The following PRIMPOL variants were observed in gnomAD, a reference collection of about 807,000 sequenced individuals.
The protein encoded by PRIMPOL is primase and DNA directed polymerase.
In PRIMPOL, 54 loss-of-function variants were observed where a neutral mutation model predicts 63.6. That is an observed-to-expected ratio of 0.85 (90% CI 0.68 to 1.07). The LOEUF (loss-of-function observed/expected upper bound fraction) is 1.07. Ranked by LOEUF, PRIMPOL falls within the 50% of genes least tolerant of loss-of-function variation. PRIMPOL has a pLI of 0.00. For synonymous variants in PRIMPOL, 197 were observed against 220.2 expected (o/e 0.89, Z 0.93); for missense variants, 610 against 648.3 (o/e 0.94, Z 0.64).
At chr4:184,663,907 G>A (rs189802378) in intron 5 of PRIMPOL, among the ~76,000 whole-genome samples, 1 of 152,272 alleles carries the variant, frequency 6.6e-6, no homozygotes, top group East Asian at 1.9e-4. Flanking sequence ...GCATAATTAG[G>A]TTAGCTCTTA....
At chr4:184,656,975 G>C (rs1225808396) in intron 2 of PRIMPOL, 107 bp from the exon 3 acceptor site, 1 of 516,558 alleles carries the variant, frequency 1.9e-6, no homozygotes, top group Non-Finnish European at 3.2e-6. Context: ...TTCATGCAAA[G>C]AATAAACAAG....
chr4:184,687,896 A>G (rs2150157645), intron 11 of PRIMPOL, among the ~76,000 whole-genome samples: 1 of 152,342 alleles, frequency 6.6e-6, no homozygotes, highest in African/African-American at 2.4e-5. Context: ...GATTACAGGC[A>G]TGAGCCACCG....
At chr4:184,666,454 C>A (rs1190329081) in intron 6 of PRIMPOL, among the ~76,000 whole-genome samples, 1 of 152,114 alleles carries the variant, frequency 6.6e-6, no homozygotes, top group Non-Finnish European at 1.5e-5. Flanking sequence ...CAGAGTGAGA[C>A]CCTGTCTCAA....
intron 3 of PRIMPOL, among the ~76,000 whole-genome samples, chr4:184,658,423 G>A (rs1747221444): frequency 6.6e-6 from 1 of 152,122 alleles, no homozygotes; most frequent in South Asian, 2.1e-4. Flanking sequence ...TTTCAAAAAG[G>A]TTTTTGTTAG....
At chr4:184,680,097 T>C (rs1755207493) in intron 8 of PRIMPOL, among the ~76,000 whole-genome samples, 1 of 152,222 alleles carries the variant, frequency 6.6e-6, no homozygotes, top group Non-Finnish European at 1.5e-5. Flanking sequence ...TTCCCTGTTT[T>C]TCTAGGCTGG....
chr4:184,679,118 A>C (rs1011115618), intron 8 of PRIMPOL, among the ~76,000 whole-genome samples: 3 of 152,214 alleles, frequency 2.0e-5, no homozygotes, highest in African/African-American at 7.2e-5. Context: ...ATTATTATTT[A>C]AATGATTGTC....
At chr4:184,689,446 C>CTTT (rs70962517) in intron 11 of PRIMPOL, among the ~76,000 whole-genome samples, 45 of 50,248 alleles carry the variant, frequency 9.0e-4, no homozygotes, top group African/African-American at 3.3e-3. Context: ...GTTAATGGTG[C>CTTT]TTTTTTTTTT....
intron 5 of PRIMPOL, 60 bp from the exon 6 acceptor site, chr4:184,665,857 C>A: frequency 8.6e-7 from 1 of 1,166,790 alleles, no homozygotes; most frequent in Non-Finnish European, 1.2e-6. Context: ...ATGCTTATTG[C>A]TTATAGAAAA....
chr4:184,691,780 T>C, intron 13 of PRIMPOL, 68 bp downstream of exon 13: 1 of 1,208,830 alleles, frequency 8.3e-7, no homozygotes, highest in East Asian at 2.3e-5. Flanking sequence ...ACCTGAGCCA[T>C]GAGTAGTGTC....
intron 4 of PRIMPOL, among the ~76,000 whole-genome samples, chr4:184,660,951 A>G (rs1748154999): frequency 6.6e-6 from 1 of 152,232 alleles, no homozygotes; most frequent in Admixed American, 6.5e-5. Context: ...TCTTAATGCC[A>G]GAAAGAATGT....
rs540991483 is a variant in PRIMPOL, at chr4:184,661,654, C to G, written c.279-120C>G. 8 of 555,108 alleles carry G rather than the reference C, an allele frequency of 1.4e-5. No homozygotes were observed. In the East Asian group the frequency reaches 2.1e-4, roughly 15 times the overall value. The allele number at this position is 555,108 out of a possible 1,614,324, so 34.4% of individuals were successfully genotyped here. ...CCAGGAGGAGGAGGTTGCAGTGAAC[C>G]GAGATCACACCACTGCAGTCCAGCC... is the stretch of plus-strand genomic sequence containing the variant. On this transcript the variant is annotated intron_variant, in intron 4 of 13. Coordinates refer to ENST00000314970, the MANE Select transcript of PRIMPOL (RefSeq NM_152683.4).
At chr4:184,671,798 A>T (rs1046125206) in intron 6 of PRIMPOL, among the ~76,000 whole-genome samples, 4 of 137,830 alleles carry the variant, frequency 2.9e-5, no homozygotes, top group Admixed American at 2.5e-4. Flanking sequence ...GCTGGAGTGC[A>T]GTGGCGCGAT....
At chr4:184,673,916 A>G (rs1752608982) in intron 7 of PRIMPOL, among the ~76,000 whole-genome samples, 1 of 152,222 alleles carries the variant, frequency 6.6e-6, no homozygotes, top group Admixed American at 6.5e-5. Context: ...GGAAAGACAG[A>G]GGAGTGTGAG....
chr4:184,675,183 G>T (rs972137080), intron 7 of PRIMPOL, among the ~76,000 whole-genome samples: 1 of 152,158 alleles, frequency 6.6e-6, no homozygotes, highest in Non-Finnish European at 1.5e-5. Context: ...ACTTATTATG[G>T]CAGTGTAGTA....
intron 6 of PRIMPOL, among the ~76,000 whole-genome samples, chr4:184,668,026 T>C (rs1021271402): frequency 6.6e-6 from 1 of 152,214 alleles, no homozygotes; most frequent in Non-Finnish European, 1.5e-5. Context: ...ATATTAGTAA[T>C]GGTAGAGTCC....
At chr4:184,691,375 T>C in intron 11 of PRIMPOL, 124 bp from the exon 12 acceptor site, 1 of 645,764 alleles carries the variant, frequency 1.5e-6, no homozygotes, top group Non-Finnish European at 2.7e-6. Context: ...ATCCTTATCC[T>C]TTTACTTTTT....
intron 5 of PRIMPOL, among the ~76,000 whole-genome samples, chr4:184,663,251 G>C (rs1748907353): frequency 6.6e-6 from 1 of 151,874 alleles, no homozygotes; most frequent in Non-Finnish European, 1.5e-5. Context: ...TGCCATGTTG[G>C]CCAGGCTGTT....
chr4:184,654,928 T>TA (rs1745877432), intron 2 of PRIMPOL, among the ~76,000 whole-genome samples: 2 of 152,212 alleles, frequency 1.3e-5, no homozygotes, highest in South Asian at 4.1e-4. Context: ...TTAGGTCTGT[T>TA]ACGATTGATG....
rs1336242231 is a variant in PRIMPOL, at chr4:184,689,483, T to C, written c.1296-2016T>C. Among the ~76,000 whole-genome samples the C allele has an allele frequency of 1.1e-4, 16 of 143,592 alleles. No individual in the cohort carries two copies. The South Asian group carries it at 3.5e-3, about 31-fold the overall frequency. 94.2% of individuals were successfully genotyped at this position (143,592 alleles called of 152,430 possible). A position where few individuals can be genotyped will look rare whatever the true frequency, so the allele number is the denominator to read the frequency against. On this transcript the variant is annotated intron_variant, in intron 11 of 13. Transcript: ENST00000314970. Reference sequence around the variant, plus strand: ...TTTTTTTTTTTTTGAGATGGAGTCTTGCTCTGTCACCCAGGCTGAAGTGCA... The same window carrying C: ...TTTTTTTTTTTTTGAGATGGAGTCTCGCTCTGTCACCCAGGCTGAAGTGCA...
Sources: gnomAD v4.1 joint callset for allele counts (sites outside exome capture counted in the v4.1 genomes callset) on GRCh38, gnomAD v4.1.1 for gene constraint, MANE v1.5 for transcripts, NCBI Gene and HGNC (gene_info 2026-07-23, HGNC 2026-07-21) for gene names.